The following ESYT2 variants were observed in gnomAD, a reference collection of about 807,000 sequenced individuals.
ESYT2 encodes extended synaptotagmin-2.
Under a neutral mutation model 107.2 loss-of-function variants are expected in ESYT2, and 54 were observed. That is an observed-to-expected ratio of 0.50 (90% CI 0.40 to 0.63). The LOEUF is 0.63. Ranked by LOEUF, ESYT2 falls within the 30% of genes least tolerant of loss-of-function variation. The pLI, the probability that ESYT2 is intolerant of heterozygous loss-of-function variation, is 0.00. For synonymous variants in ESYT2, 491 were observed against 434.1 expected (o/e 1.13, Z -1.63); for missense variants, 1,020 against 1,094.5 (o/e 0.93, Z 0.96).
Position 158,764,832 on chromosome 7 carries a change from T to A in ESYT2, c.946A>T (p.Ile316Phe). The A allele has an allele frequency of 6.2e-7, 1 of 1,614,128 alleles. No homozygotes were observed. The highest frequency in any genetic ancestry group is 1.7e-4 in the Middle Eastern group (1 of 6,060). ...TTCCCCTGAAGATCCTGAGCTTCAA[T>A]AAAATGTATCCTTAGAACACCCTGA... The part of the protein sequence containing the change: ...VPKGVLRIHF[I>F]EAQDLQGKDT... The change falls in exon 9 of 23, where the codon ATT becomes TTT. Residue 316 changes from isoleucine to phenylalanine, a missense_variant. Physicochemically the swap from Ile to Phe is conservative, Grantham distance 21. Coordinates refer to ENST00000275418, the MANE Select transcript of ESYT2 (RefSeq NM_001367773.1).
At chr7:158,823,671 T>TA (rs1056165861) in intron 1 of ESYT2, among the ~76,000 whole-genome samples, 19 of 152,262 alleles carry the variant, frequency 1.2e-4, no homozygotes, top group African/African-American at 4.3e-4. Context: ...ATAATTCACA[T>TA]ACTCGTCAAT....
intron 1 of ESYT2, among the ~76,000 whole-genome samples, chr7:158,806,182 A>G (rs796185728): frequency 6.8e-5 from 6 of 88,138 alleles, no homozygotes; most frequent in South Asian, 3.5e-4. Flanking sequence ...CGTAGGAGGC[A>G]CTGGCCTTGA....
chr7:158,798,159 C>G, intron 2 of ESYT2, 83 bp from the exon 3 acceptor site: 1 of 1,419,104 alleles, frequency 7.0e-7, no homozygotes, highest in Non-Finnish European at 9.7e-7. Flanking sequence ...ACCCTCGCAA[C>G]AGACCAAACC....
chr7:158,796,861 A>G (rs1425965386), intron 3 of ESYT2, among the ~76,000 whole-genome samples: 4 of 150,900 alleles, frequency 2.7e-5, no homozygotes, highest in Non-Finnish European at 5.9e-5. Context: ...CCCAACAGAC[A>G]GGAAAGGGCA....
chr7:158,741,981 G>T, intron 17 of ESYT2, 85 bp from the exon 18 acceptor site: 2 of 1,423,652 alleles, frequency 1.4e-6, no homozygotes, highest in African/African-American at 1.5e-5. Context: ...GTCTTTACCT[G>T]CAAAAATTTC....
intron 4 of ESYT2, among the ~76,000 whole-genome samples, chr7:158,791,086 C>G (rs924395560): frequency 9.2e-5 from 14 of 152,192 alleles, no homozygotes; most frequent in African/African-American, 2.9e-4. Flanking sequence ...ACTCTCCCCC[C>G]ATTAAACACT....
chr7:158,745,027 T>C (rs1046268562), intron 16 of ESYT2, among the ~76,000 whole-genome samples: 2 of 152,226 alleles, frequency 1.3e-5, no homozygotes, highest in African/African-American at 2.4e-5. Context: ...ACAAATCCTT[T>C]TGTATAAAAC....
chr7:158,765,496 G>A (rs915804001), intron 8 of ESYT2, among the ~76,000 whole-genome samples: 3 of 152,172 alleles, frequency 2.0e-5, no homozygotes, highest in African/African-American at 7.2e-5. Context: ...CACTTTGGAA[G>A]ACCGAGGTGG....
At chr7:158,768,885 T>C (rs897549010) in intron 7 of ESYT2, among the ~76,000 whole-genome samples, 2 of 152,164 alleles carry the variant, frequency 1.3e-5, no homozygotes, top group South Asian at 2.1e-4. Flanking sequence ...CAAACAAACA[T>C]ATATATATGT....
At chr7:158,770,351 A>G (rs1258175657) in intron 7 of ESYT2, among the ~76,000 whole-genome samples, 1 of 151,770 alleles carries the variant, frequency 6.6e-6, no homozygotes, top group Non-Finnish European at 1.5e-5. Context: ...TAAAATCTAC[A>G]TAATTGTGCA....
At chr7:158,826,239 A>G (rs748168072) in intron 1 of ESYT2, among the ~76,000 whole-genome samples, 4 of 152,224 alleles carry the variant, frequency 2.6e-5, no homozygotes, top group African/African-American at 7.2e-5. Flanking sequence ...AAATAGATAC[A>G]TAAGTATAAT....
At chr7:158,736,611 T>G (rs1563613575) in intron 20 of ESYT2, among the ~76,000 whole-genome samples, 1 of 148,696 alleles carries the variant, frequency 6.7e-6, no homozygotes, top group Admixed American at 6.6e-5. Flanking sequence ...CTTTTCATTA[T>G]GTTTTTTATT....
intron 6 of ESYT2, among the ~76,000 whole-genome samples, chr7:158,782,992 C>T (rs1294722014): frequency 6.6e-6 from 1 of 152,150 alleles, no homozygotes; most frequent in Non-Finnish European, 1.5e-5. Context: ...TTAGAAGGCG[C>T]CTTTGGAAAA....
At chr7:158,796,310 G>A (rs1839456272) in intron 3 of ESYT2, among the ~76,000 whole-genome samples, 1 of 150,378 alleles carries the variant, frequency 6.6e-6, no homozygotes, top group African/African-American at 2.5e-5. Flanking sequence ...ATGTACTCTT[G>A]AGGCTTTTAT....
At chr7:158,745,909 CTTCT>C (rs1257557990) in intron 16 of ESYT2, among the ~76,000 whole-genome samples, 3 of 152,082 alleles carry the variant, frequency 2.0e-5, no homozygotes, top group Non-Finnish European at 2.9e-5. Flanking sequence ...TCTCAAGCTT[CTTCT>C]TTAAGAAACT....
chr7:158,785,463 AAATAAATAAATC>A lies in ESYT2; in HGVS notation c.747+2529_747+2540del, dbSNP rs1001640620. Among the ~76,000 whole-genome samples the A allele has an allele frequency of 4.2e-3, 638 of 150,166 alleles. 4 individuals carry two copies. The highest frequency in any genetic ancestry group is 0.014 in the African/African-American group (560 of 39,950). On this transcript the variant is annotated intron_variant, in intron 6 of 22. Coordinates refer to ENST00000275418, the MANE Select transcript of ESYT2 (RefSeq NM_001367773.1). ...TAAATAAATAAATAAATAAATAAATAAATAAATAAATCACCTCCAGTGTCAGGACTAAACCTA... is the reference window on the plus strand; with the variant it reads ...TAAATAAATAAATAAATAAATAAATAACCTCCAGTGTCAGGACTAAACCTA...
chr7:158,764,395 A>G (rs889655528), intron 9 of ESYT2, among the ~76,000 whole-genome samples: 2 of 152,246 alleles, frequency 1.3e-5, no homozygotes, highest in African/African-American at 4.8e-5. Context: ...TTATACTTAG[A>G]AATACAAGCT....
At chr7:158,796,217 T>C (rs1839453692) in intron 3 of ESYT2, among the ~76,000 whole-genome samples, 2 of 152,236 alleles carry the variant, frequency 1.3e-5, no homozygotes, top group African/African-American at 4.8e-5. Flanking sequence ...TCTTTAGGCA[T>C]ATAAAACAAT....
chr7:158,804,630 G>A (rs1434079286), intron 1 of ESYT2, among the ~76,000 whole-genome samples: 1 of 150,378 alleles, frequency 6.6e-6, no homozygotes, highest in Non-Finnish European at 1.5e-5. Context: ...AAGGTGAGGC[G>A]CGTGACAAAC....
Sources: allele counts gnomAD v4.1 joint callset (sites outside exome capture counted in the v4.1 genomes callset), GRCh38; gene constraint gnomAD v4.1.1; transcripts MANE v1.5; gene names NCBI Gene and HGNC (gene_info 2026-07-23, HGNC 2026-07-21).